The following PCDH7 variants were observed in gnomAD, a reference collection of about 807,000 sequenced individuals.
PCDH7 encodes protocadherin-7.
A neutral mutation model predicts 58.9 loss-of-function variants in PCDH7; 17 were observed. The ratio of observed to expected loss-of-function variants is 0.29; its 90% confidence interval spans 0.20 to 0.43. The LOEUF (loss-of-function observed/expected upper bound fraction) is 0.43, where lower values mean the gene tolerates loss of function less well. Among genes scored for constraint, PCDH7 ranks in the 20% least tolerant of loss-of-function variants. PCDH7 has a pLI of 1.00. For missense variants in PCDH7, 1,274 were observed against 1,441.0 expected, an observed-to-expected ratio of 0.88 and a Z score of 1.88; for synonymous variants, 664 against 616.4, an observed-to-expected ratio of 1.08 and a Z score of -1.14.
rs370376253 is a variant in PCDH7, at chr4:31,023,218, C to G, written c.*7+73003C>G. On this transcript the variant is annotated intron_variant, in intron 3 of 3. Coordinates refer to the PCDH7 transcript ENST00000509759. The stretch of plus-strand genomic sequence containing the variant: ...TGAAAAAGTACAGTCTTTGACTCTC[C>G]CATTCAGACCTGATTATTGGCAACA... 2.6e-5 allele frequency among the ~76,000 whole-genome samples: 4 copies of G among 152,260 alleles called. No individual in the cohort carries two copies. The South Asian group carries it at 8.3e-4, about 32-fold the overall frequency.
chr4:30,933,964 G>T (rs1222458794), intron 2 of PCDH7, among the ~76,000 whole-genome samples: 1 of 152,170 alleles, frequency 6.6e-6, no homozygotes, highest in Non-Finnish European at 1.5e-5. Context: ...ATAGGTAACT[G>T]CAAACAACGT....
chr4:30,903,108 C>T (rs1740445939), intron 1 of PCDH7, among the ~76,000 whole-genome samples: 1 of 152,024 alleles, frequency 6.6e-6, no homozygotes, highest in Non-Finnish European at 1.5e-5. Context: ...GGGTTATGGC[C>T]AGGTTGTGAA....
At chr4:30,933,253 C>T (rs962919370) in intron 2 of PCDH7, among the ~76,000 whole-genome samples, 3 of 152,094 alleles carry the variant, frequency 2.0e-5, no homozygotes, top group Non-Finnish European at 4.4e-5. Context: ...TCTCGATCCC[C>T]TGACCTCGTG....
intron 3 of PCDH7, among the ~76,000 whole-genome samples, chr4:31,024,843 A>C (rs1578589271): frequency 6.6e-6 from 1 of 152,158 alleles, no homozygotes; most frequent in East Asian, 1.9e-4. Context: ...CTGAGTTCTA[A>C]GCGATTCTCC....
intron 1 of PCDH7, among the ~76,000 whole-genome samples, chr4:30,812,623 A>G (rs1259045928): frequency 6.6e-6 from 1 of 152,190 alleles, no homozygotes; most frequent in East Asian, 1.9e-4. Context: ...AATCTAGTAT[A>G]TGCTATTGTG....
chr4:30,944,613 T>C (rs1052746565), intron 2 of PCDH7, among the ~76,000 whole-genome samples: 1 of 152,196 alleles, frequency 6.6e-6, no homozygotes, highest in Non-Finnish European at 1.5e-5. Flanking sequence ...TGGGGGAGAC[T>C]GTAAATGTTC....
intron 3 of PCDH7, among the ~76,000 whole-genome samples, chr4:30,958,622 A>G (rs1231287005): frequency 6.6e-6 from 1 of 151,984 alleles, no homozygotes; most frequent in Non-Finnish European, 1.5e-5. Context: ...AGTTTTAATA[A>G]TATTTTAACA....
At chr4:30,753,087 C>T (rs1458992138) in intron 1 of PCDH7, among the ~76,000 whole-genome samples, 2 of 152,104 alleles carry the variant, frequency 1.3e-5, no homozygotes, top group East Asian at 3.8e-4. Context: ...AAAGAGTTCT[C>T]AGTGGCTGGT....
At chr4:31,059,864 A>G (rs1211782820) in intron 3 of PCDH7, among the ~76,000 whole-genome samples, 1 of 151,768 alleles carries the variant, frequency 6.6e-6, no homozygotes, top group Admixed American at 6.6e-5. Context: ...ACCTGTATAA[A>G]ATATTAGGCT....
chr4:30,747,933 T>A (rs1717983803), intron 1 of PCDH7, among the ~76,000 whole-genome samples: 1 of 152,210 alleles, frequency 6.6e-6, no homozygotes, highest in Admixed American at 6.5e-5. Context: ...ATTTTATTAC[T>A]GAATAGATAC....
intron 1 of PCDH7, among the ~76,000 whole-genome samples, chr4:30,784,974 GT>G (rs1295740497): frequency 6.6e-6 from 1 of 151,924 alleles, no homozygotes; most frequent in East Asian, 1.9e-4. Context: ...TCCCTAATTG[GT>G]TATTTCCAAA....
downstream of PCDH7, among the ~76,000 whole-genome samples, chr4:30,736,039 A>G (rs1328747185): frequency 6.6e-6 from 1 of 152,222 alleles, no homozygotes; most frequent in East Asian, 1.9e-4. Flanking sequence ...AAGAAAGCAG[A>G]AAAACTGCGT....
chr4:30,994,284 G>C (rs976512366), intron 3 of PCDH7, among the ~76,000 whole-genome samples: 2 of 152,116 alleles, frequency 1.3e-5, no homozygotes, highest in East Asian at 1.9e-4. Context: ...CATTGGAAAG[G>C]ATGCCCTGAA....
intron 2 of PCDH7, among the ~76,000 whole-genome samples, chr4:30,943,597 T>A (rs1007950208): frequency 3.3e-5 from 5 of 152,150 alleles, no homozygotes; most frequent in African/African-American, 1.2e-4. Context: ...TTCGCCTGCA[T>A]CTCTTCACTG....
chr4:31,027,813 CT>C (rs1754564431), intron 3 of PCDH7, among the ~76,000 whole-genome samples: 1 of 152,190 alleles, frequency 6.6e-6, no homozygotes, highest in South Asian at 2.1e-4. Context: ...GTGATTATGT[CT>C]CTGACTGTTG....
At chr4:31,034,209 A>G (rs1159885709) in intron 3 of PCDH7, among the ~76,000 whole-genome samples, 1 of 152,130 alleles carries the variant, frequency 6.6e-6, no homozygotes, top group East Asian at 1.9e-4. Context: ...TGCCTCCATC[A>G]TCTTCCCTTT....
chr4:31,063,643 G>A (rs1225895396), intron 3 of PCDH7, among the ~76,000 whole-genome samples: 1 of 151,650 alleles, frequency 6.6e-6, no homozygotes, highest in Non-Finnish European at 1.5e-5. Context: ...TCAAAGCAAG[G>A]GATAATTGAT....
intron 1 of PCDH7, among the ~76,000 whole-genome samples, chr4:30,746,972 T>C (rs1717863279): frequency 6.6e-6 from 1 of 152,172 alleles, no homozygotes. Flanking sequence ...ACTGGTATAG[T>C]AGTGAATTCT....
In PCDH7 at chr4:30,808,153, C is replaced by T. The variant is rs1726496302; in HGVS notation, c.70+83557C>T. On this transcript the variant is annotated intron_variant, in intron 1 of 3. Coordinates refer to the PCDH7 transcript ENST00000509759. The stretch of plus-strand genomic sequence containing the variant: ...TGCTAGTATTGACTAAATGAACAAA[C>T]AGACTGAAAACAGGTTAAATTCAAA... Among the ~76,000 whole-genome samples the T allele has an allele frequency of 5.3e-5, 8 of 152,266 alleles. No homozygotes were observed. In the South Asian group the frequency reaches 1.7e-3, roughly 32 times the overall value.
Sources: allele counts gnomAD v4.1 joint callset (sites outside exome capture counted in the v4.1 genomes callset), GRCh38; gene constraint gnomAD v4.1.1; transcripts MANE v1.5; gene names NCBI Gene and HGNC (gene_info 2026-07-23, HGNC 2026-07-21).